Variants in MYCBP2 observed in about 807,000 individuals in gnomAD.
The protein encoded by MYCBP2 is E3 ubiquitin-protein ligase MYCBP2.
MYCBP2 carries 120 observed loss-of-function variants against 525.3 expected under a neutral mutation model. That is an observed-to-expected ratio of 0.23 (90% CI 0.20 to 0.27). The LOEUF (loss-of-function observed/expected upper bound fraction) is 0.27, where lower values mean the gene tolerates loss of function less well. Among genes scored for constraint, MYCBP2 ranks in the 10% least tolerant of loss-of-function variants. The probability of loss-of-function intolerance (pLI) is 1.00; values close to 1 mark genes in which losing one functional copy is unlikely to be tolerated. For synonymous variants in MYCBP2, 1,894 were observed against 1,955.8 expected, an observed-to-expected ratio of 0.97 and a Z score of 0.83; for missense variants, 4,149 against 5,657.1, an observed-to-expected ratio of 0.73 and a Z score of 8.55.
chr13:77,146,126 C>A (rs766486121), intron 48 of MYCBP2, 36 bp downstream of exon 48: 1 of 1,419,044 alleles, frequency 7.0e-7, no homozygotes, highest in Non-Finnish European at 9.6e-7. Context: ...GCTGACAACA[C>A]ATGTTTTGGT....
At chr13:77,213,976 A>C (rs774069806) in intron 21 of MYCBP2, among the ~76,000 whole-genome samples, 22 of 152,244 alleles carry the variant, frequency 1.4e-4, no homozygotes, top group Non-Finnish European at 2.9e-4. Flanking sequence ...AGTTCTTAAG[A>C]AGGAGGACAG....
At chr13:77,203,687 C>G (rs2154271628) in intron 26 of MYCBP2, among the ~76,000 whole-genome samples, 1 of 152,196 alleles carries the variant, frequency 6.6e-6, no homozygotes. Flanking sequence ...GGTATTGGTA[C>G]CAAAACAGAG....
At chr13:77,123,825 T>A (rs2154161904) in intron 54 of MYCBP2, among the ~76,000 whole-genome samples, 1 of 152,286 alleles carries the variant, frequency 6.6e-6, no homozygotes. Context: ...GATCTCCCCT[T>A]AGGTATTTTC....
rs1013581337 is a variant in MYCBP2 at position 77,295,223 on chromosome 13, C to T, written c.378+1376G>A. On this transcript the variant is annotated intron_variant, in intron 2 of 82. Coordinates refer to ENST00000544440, the MANE Select transcript of MYCBP2 (RefSeq NM_015057.5). ...GATCTCAGCTCACTGCAACCTGCTC[C>T]TCCCGGGTTCAAGCAATCTCCTGCC... Among the ~76,000 whole-genome samples the T allele has an allele frequency of 2.6e-5, 4 of 152,168 alleles. No individual in the cohort carries two copies. In the South Asian group the frequency reaches 8.3e-4, roughly 32 times the overall value.
intron 49 of MYCBP2, among the ~76,000 whole-genome samples, chr13:77,143,261 G>A (rs549288553): frequency 3.9e-4 from 59 of 152,316 alleles, no homozygotes; most frequent in Admixed American, 2.3e-3. Flanking sequence ...GACAAGACTG[G>A]CGTGTGAGTG....
intron 47 of MYCBP2, among the ~76,000 whole-genome samples, chr13:77,147,828 C>T (rs955853933): frequency 2.6e-5 from 4 of 152,106 alleles, no homozygotes; most frequent in Non-Finnish European, 5.9e-5. Context: ...ACTTGGCTCA[C>T]TACTGAGTGA....
intron 17 of MYCBP2, among the ~76,000 whole-genome samples, chr13:77,242,153 C>T (rs1344083855): frequency 1.3e-5 from 2 of 152,092 alleles, no homozygotes; most frequent in East Asian, 1.9e-4. Flanking sequence ...CTCACTCTGT[C>T]GCCAGGCTGG....
At chr13:77,180,810 C>T (rs1301796958) in intron 33 of MYCBP2, among the ~76,000 whole-genome samples, 1 of 152,030 alleles carries the variant, frequency 6.6e-6, no homozygotes, top group Non-Finnish European at 1.5e-5. Flanking sequence ...GCCCCAGCTA[C>T]TTGGGAGGCT....
chr13:77,101,147 A>G (rs1298199691), intron 55 of MYCBP2, among the ~76,000 whole-genome samples: 1 of 152,108 alleles, frequency 6.6e-6, no homozygotes, highest in Non-Finnish European at 1.5e-5. Flanking sequence ...TTTATTTCAG[A>G]AACTGAACCA....
chr13:77,124,203 GT>G (rs1469716463), intron 54 of MYCBP2, among the ~76,000 whole-genome samples: 1 of 152,090 alleles, frequency 6.6e-6, no homozygotes, highest in East Asian at 1.9e-4. Flanking sequence ...CCATAGACAC[GT>G]TAGTTTAAAT....
At chr13:77,137,465 C>G (rs1400919817) in intron 52 of MYCBP2, among the ~76,000 whole-genome samples, 3 of 152,102 alleles carry the variant, frequency 2.0e-5, no homozygotes, top group Non-Finnish European at 2.9e-5. Flanking sequence ...AAATAAAACA[C>G]ACAATGGCCA....
intron 55 of MYCBP2, chr13:77,118,639 C>T: frequency 3.6e-6 from 2 of 549,814 alleles, no homozygotes; most frequent in South Asian, 2.5e-5. Context: ...AAATTGGTGA[C>T]TGTTAATCAT....
intron 49 of MYCBP2, among the ~76,000 whole-genome samples, chr13:77,142,446 T>C (rs553121802): frequency 3.9e-5 from 6 of 152,242 alleles, no homozygotes; most frequent in African/African-American, 2.4e-5. Flanking sequence ...TGAGTCTATA[T>C]AGTTACATTA....
At chr13:77,316,218 T>C (rs185826079) in intron 1 of MYCBP2, among the ~76,000 whole-genome samples, 23 of 152,110 alleles carry the variant, frequency 1.5e-4, no homozygotes, top group Admixed American at 4.6e-4. Flanking sequence ...CTTAACAAGA[T>C]CAGAGATACA....
chr13:77,198,072 C>T (rs999057651), intron 26 of MYCBP2, among the ~76,000 whole-genome samples: 1 of 152,180 alleles, frequency 6.6e-6, no homozygotes, highest in Non-Finnish European at 1.5e-5. Context: ...GCTTATTAGA[C>T]ATTGTCAAAT....
Position 77,326,702 on chromosome 13 carries a change from G to C in MYCBP2, c.74C>G (p.Ala25Gly), listed in dbSNP as rs1185231462. The C allele has an allele frequency of 1.4e-6, 2 of 1,437,704 alleles. No individual in the cohort carries two copies. Among genetic ancestry groups the C allele is most frequent in the South Asian group, 2.8e-5 (2 of 71,012 alleles). 89.1% of individuals were successfully genotyped at this position (1,437,704 alleles called of 1,614,324 possible). A position where few individuals can be genotyped will look rare whatever the true frequency, so the allele number is the denominator to read the frequency against. Residue 25 changes from alanine to glycine, a missense_variant, in exon 1 of 83, where the codon GCC becomes GGC. By Grantham distance (60) the Ala-to-Gly change is moderately conservative. Transcript: ENST00000544440. The surrounding 1 kb of genome is among the most constrained non-coding windows in gnomAD (Gnocchi z 4.2). ...SGLGGDGFYP[A>G]ATFSSSPAPG... ...CGCCGGGGAGGAAGAGAAGGTGGCG[G>C]CTGGGTAGAATCCGTCCCCGCCGAG...
intron 80 of MYCBP2, among the ~76,000 whole-genome samples, chr13:77,054,253 G>C (rs1178205501): frequency 6.6e-6 from 1 of 152,184 alleles, no homozygotes; most frequent in African/African-American, 2.4e-5. Context: ...TGGGTGAGCA[G>C]ACAGGGCTGA....
chr13:77,314,598 G>C (rs1367132001), intron 1 of MYCBP2, among the ~76,000 whole-genome samples: 1 of 152,196 alleles, frequency 6.6e-6, no homozygotes, highest in Non-Finnish European at 1.5e-5. Flanking sequence ...GATTACCTGG[G>C]GTTGAGTGGC....
chr13:77,309,253 T>C (rs1474443742), intron 1 of MYCBP2, among the ~76,000 whole-genome samples: 1 of 152,206 alleles, frequency 6.6e-6, no homozygotes, highest in East Asian at 1.9e-4. Context: ...AATTTCTTAT[T>C]GCCAACCTCA....
Sources: allele counts gnomAD v4.1 joint callset (sites outside exome capture counted in the v4.1 genomes callset), GRCh38; gene constraint gnomAD v4.1.1; non-coding constraint Gnocchi (gnomAD v3.1); transcripts MANE v1.5; gene names NCBI Gene and HGNC (gene_info 2026-07-23, HGNC 2026-07-21).